GLDN: variants seen among roughly 807,000 people sequenced by gnomAD.
The protein encoded by GLDN is gliomedin.
A neutral mutation model predicts 56.5 loss-of-function variants in GLDN; 47 were observed. The ratio of observed to expected loss-of-function variants is 0.83; its 90% CI spans 0.66 to 1.06. The LOEUF (loss-of-function observed/expected upper bound fraction) is 1.06, where lower values mean the gene tolerates loss of function less well. Among genes scored for constraint, GLDN ranks in the 50% least tolerant of loss-of-function variants. The pLI, the probability that GLDN is intolerant of heterozygous loss-of-function variation, is 0.00. For synonymous variants in GLDN, 332 were observed against 278.8 expected (o/e 1.19, Z -1.90); for missense variants, 782 against 714.3 (o/e 1.09, Z -1.08).
chr15:51,373,001 C>T (rs1016021754), intron 1 of GLDN, among the ~76,000 whole-genome samples: 2 of 152,132 alleles, frequency 1.3e-5, no homozygotes, highest in African/African-American at 4.8e-5. Flanking sequence ...TTAATTCATT[C>T]ATGAGGGTGG....
intron 9 of GLDN, among the ~76,000 whole-genome samples, chr15:51,402,031 A>G (rs572422724): frequency 3.3e-5 from 5 of 152,274 alleles, no homozygotes; most frequent in African/African-American, 1.2e-4. Context: ...CAGCTTCCCC[A>G]TCCTCTGAGA....
intron 6 of GLDN, among the ~76,000 whole-genome samples, chr15:51,399,266 G>A (rs889229153): frequency 3.9e-5 from 6 of 152,100 alleles, no homozygotes; most frequent in Non-Finnish European, 5.9e-5. Flanking sequence ...ATGGAGGGTC[G>A]GGCTCCCTTA....
At chr15:51,388,138 C>T (rs1325293115) in intron 4 of GLDN, among the ~76,000 whole-genome samples, 1 of 152,176 alleles carries the variant, frequency 6.6e-6, no homozygotes, top group Non-Finnish European at 1.5e-5. Flanking sequence ...ACCTCGTATA[C>T]AAGATCATCC....
At chr15:51,348,857 G>C (rs1434897863) in intron 1 of GLDN, among the ~76,000 whole-genome samples, 5 of 152,152 alleles carry the variant, frequency 3.3e-5, no homozygotes, top group Non-Finnish European at 5.9e-5. Context: ...TGAACCCAAA[G>C]GGCTTTATTT....
At chr15:51,390,055 C>A (rs28621048) in intron 4 of GLDN, among the ~76,000 whole-genome samples, 2,942 of 152,320 alleles carry the variant, frequency 0.019, 88 homozygotes, top group African/African-American at 0.068. Flanking sequence ...AGAGCCAGAG[C>A]TGGAGCCAGA....
intron 2 of GLDN, among the ~76,000 whole-genome samples, chr15:51,378,414 T>A (rs72729227): frequency 0.18 from 28,017 of 152,218 alleles, 2,952 homozygotes; most frequent in Admixed American, 0.26. Flanking sequence ...TTCCATCTCT[T>A]GAAGTCCTTT....
At position 51,406,185 on chromosome 15, in the gene GLDN, G is replaced by A. The variant is rs2038377295; in HGVS notation, c.*1431G>A. 6.6e-6 allele frequency: 1 copy of A among 152,236 alleles called. No homozygotes were observed. Among genetic ancestry groups the A allele is most frequent in the South Asian group, 2.1e-4 (1 of 4,836 alleles). 9.4% of individuals were successfully genotyped at this position (152,236 alleles called of 1,614,324 possible). On this transcript the variant is annotated 3_prime_UTR_variant, in exon 10 of 10. Coordinates refer to ENST00000335449, the MANE Select transcript of GLDN (RefSeq NM_181789.4). ...GTTCTTTCTCTAACATAGTTTTAAA[G>A]GATGTGATCTGGTCCCCTTGGATGC...
Position 51,368,107 on chromosome 15 carries a change from A to G in GLDN, c.364-9342A>G. Among the ~76,000 whole-genome samples the G allele has an allele frequency of 1.3e-5, 2 of 152,212 alleles. 1 individual carries two copies. The highest frequency in any genetic ancestry group is 1.3e-4 in the Admixed American group (2 of 15,280). On this transcript the variant is annotated intron_variant, in intron 1 of 9. Coordinates refer to ENST00000335449, the MANE Select transcript of GLDN (RefSeq NM_181789.4). ...ACAAAGTGACTGCCTGTCTGAAAGG[A>G]ATAATATCATTGCTTGGGGAGCACA...
intron 2 of GLDN, among the ~76,000 whole-genome samples, chr15:51,379,359 A>G (rs2037704962): frequency 6.6e-6 from 1 of 152,212 alleles, no homozygotes; most frequent in Non-Finnish European, 1.5e-5. Context: ...CTTCGTGTGT[A>G]TCTGTTAGAA....
rs1178708884 is a variant in GLDN at position 51,351,130 on chromosome 15, C to A, written c.363+9083C>A. 3 of 297,478 alleles carry A rather than the reference C, an allele frequency of 1.0e-5. No individual in the cohort carries two copies. In the East Asian group the frequency reaches 2.7e-4, roughly 27 times the overall value. 18.4% of individuals were successfully genotyped at this position (297,478 alleles called of 1,614,324 possible). A position where few individuals can be genotyped will look rare whatever the true frequency, so the allele number is the denominator to read the frequency against. ...ATGAGATATCTTGGCCCTTTCTCTT[C>A]TTATCTCCTCCCAGTTCAAAATGCT... is the stretch of plus-strand genomic sequence containing the variant. On this transcript the variant is annotated intron_variant, in intron 1 of 9. Coordinates refer to ENST00000335449, the MANE Select transcript of GLDN (RefSeq NM_181789.4).
In GLDN at chr15:51,383,849, C is replaced by G; in HGVS notation, c.498C>G (p.Gly166=). Residue 166 remains glycine, a synonymous_variant, in exon 4 of 10, where the codon GGC becomes GGG. Coordinates refer to ENST00000335449, the MANE Select transcript of GLDN (RefSeq NM_181789.4). ...NGLDGQPGPQ[G]PKGEKGANGK... is the part of the protein sequence containing the mutation. ...TGGATGGACAGCCTGGTCCTCAGGG[C>G]CCAAAAGGAGAAAAAGGAGCAAATG... 6.2e-7 allele frequency: 1 copy of G among 1,612,430 alleles called. No homozygotes were observed. The highest frequency in any genetic ancestry group is 1.1e-5 in the South Asian group (1 of 90,564).
intron 1 of GLDN, among the ~76,000 whole-genome samples, chr15:51,355,282 G>A (rs2037152499): frequency 6.6e-6 from 1 of 152,122 alleles, no homozygotes; most frequent in African/African-American, 2.4e-5. Flanking sequence ...GAGTTTTCTG[G>A]GAAAAGGGGC....
At chr15:51,401,980 G>A (rs981916016) in intron 9 of GLDN, among the ~76,000 whole-genome samples, 6 of 152,190 alleles carry the variant, frequency 3.9e-5, no homozygotes, top group African/African-American at 1.2e-4. Context: ...CCCGAGGAAG[G>A]TCAGAGCCAG....
At chr15:51,370,362 C>T (rs1386804290) in intron 1 of GLDN, among the ~76,000 whole-genome samples, 2 of 152,168 alleles carry the variant, frequency 1.3e-5, no homozygotes, top group East Asian at 3.8e-4. Context: ...GTCAACCCCA[C>T]CTGTTTACCC....
intron 9 of GLDN, among the ~76,000 whole-genome samples, chr15:51,404,031 C>CTT (rs76078239): frequency 9.2e-5 from 14 of 151,890 alleles, no homozygotes; most frequent in African/African-American, 3.4e-4. Flanking sequence ...GGTGATTATT[C>CTT]TGACACCACA....
chr15:51,388,464 C>T (rs59616574), intron 4 of GLDN, among the ~76,000 whole-genome samples: 6,287 of 152,092 alleles, frequency 0.041, 435 homozygotes, highest in African/African-American at 0.14. Context: ...ATCGAAATAT[C>T]CCTTCCTGAA....
intron 4 of GLDN, among the ~76,000 whole-genome samples, chr15:51,393,339 G>A (rs896766814): frequency 2.6e-4 from 39 of 152,148 alleles, no homozygotes; most frequent in African/African-American, 9.2e-4. Context: ...TGGGTCCACC[G>A]CAGCCTTTAA....
chr15:51,352,746 T>C (rs947009604), intron 1 of GLDN, among the ~76,000 whole-genome samples: 16 of 152,352 alleles, frequency 1.1e-4, no homozygotes, highest in African/African-American at 3.8e-4. Flanking sequence ...GTGAAAATTA[T>C]GACAGTGAAA....
chr15:51,380,744 C>T (rs775201588), intron 2 of GLDN, among the ~76,000 whole-genome samples: 9 of 152,220 alleles, frequency 5.9e-5, no homozygotes, highest in Non-Finnish European at 8.8e-5. Flanking sequence ...CTCTCACTTG[C>T]CTCTCCCCAG....
Sources: gnomAD v4.1 joint callset for allele counts (sites outside exome capture counted in the v4.1 genomes callset) on GRCh38, gnomAD v4.1.1 for gene constraint, MANE v1.5 for transcripts, NCBI Gene and HGNC (gene_info 2026-07-23, HGNC 2026-07-21) for gene names.